ACTR1A: variants seen among roughly 807,000 people sequenced by gnomAD.
ACTR1A encodes actin related protein 1A.
A neutral mutation model predicts 50.7 loss-of-function variants in ACTR1A; 10 were observed. The observed-to-expected ratio is 0.20, with a 90% CI of 0.12 to 0.33. ACTR1A has a LOEUF of 0.33. Among genes scored for constraint, ACTR1A ranks in the 10% least tolerant of loss-of-function variants. ACTR1A has a pLI of 1.00. For missense variants in ACTR1A, 253 were observed against 491.7 expected (o/e 0.51, Z 4.59); for synonymous variants, 177 against 184.2 (o/e 0.96, Z 0.32).
rs1294432931 is a variant in ACTR1A at position 102,489,072 on chromosome 10, G to A, written c.180C>T (p.Pro60=). Residue 60 remains proline, a synonymous_variant, in exon 3 of 11, where the codon CCC becomes CCT. Transcript: ENST00000369905. ...TAGGCCTGGGAATTACCTCAGCTTT[G>A]GGGCCAATGAAGATGTCGCCTTCAA... The part of the protein sequence containing the change: ...GALEGDIFIG[P]KAEEHRGLLS... The A allele has an allele frequency of 6.3e-7, 1 of 1,581,750 alleles. No individual in the cohort carries two copies. The highest frequency in any genetic ancestry group is 2.4e-5 in the East Asian group (1 of 41,862).
chr10:102,491,590 GT>G (rs2062194578), intron 1 of ACTR1A, among the ~76,000 whole-genome samples: 1 of 152,198 alleles, frequency 6.6e-6, no homozygotes, highest in South Asian at 2.1e-4. Flanking sequence ...GAGAACCACA[GT>G]CCTGCTGCTC....
intron 1 of ACTR1A, among the ~76,000 whole-genome samples, chr10:102,495,586 C>T (rs1354621670): frequency 2.7e-5 from 4 of 149,612 alleles, no homozygotes; most frequent in Non-Finnish European, 5.9e-5. Flanking sequence ...AAAAATTAGC[C>T]GGGTGTGGTG....
chr10:102,482,638 C>G lies in ACTR1A; in HGVS notation c.750+373G>C. 1 of 285,718 alleles carries G rather than the reference C, an allele frequency of 3.5e-6. No individual in the cohort carries two copies. Among genetic ancestry groups the G allele is most frequent in the Non-Finnish European group, 6.7e-6 (1 of 150,292 alleles). 17.7% of individuals were successfully genotyped at this position (285,718 alleles called of 1,614,324 possible). On this transcript the variant is annotated intron_variant, in intron 7 of 10. Transcript: ENST00000369905. The surrounding 1 kb of genome is among the most constrained non-coding windows in gnomAD (Gnocchi z 5.6). ...GCCTCCTCTGCAGGAGACAGGGCCACTCATGCTCAGGAGCTCTGCTGCTCC... is the reference window on the plus strand; with the variant it reads ...GCCTCCTCTGCAGGAGACAGGGCCAGTCATGCTCAGGAGCTCTGCTGCTCC...
At position 102,481,184 on chromosome 10, in the gene ACTR1A, G is replaced by C; in HGVS notation, c.988-12C>G. 2 of 1,576,952 alleles carry C rather than the reference G, an allele frequency of 1.3e-6. No homozygotes were observed. The highest frequency in any genetic ancestry group is 1.7e-6 in the Non-Finnish European group (2 of 1,162,334). ...TGAGGTGCAGATATCTGCAAAGGTG[G>C]GGGAAAGAGGAATCTGAGACTTCCA... On this transcript the variant is annotated splice_polypyrimidine_tract_variant and intron_variant, in intron 9 of 10. Coordinates refer to ENST00000369905, the MANE Select transcript of ACTR1A (RefSeq NM_005736.4).
intron 4 of ACTR1A, among the ~76,000 whole-genome samples, chr10:102,487,676 G>GGC (rs1469624779): frequency 6.9e-6 from 1 of 145,174 alleles, no homozygotes; most frequent in African/African-American, 2.6e-5. Flanking sequence ...CTGTCACCCA[G>GGC]GCTGGAGCAC....
intron 5 of ACTR1A, 114 bp from the exon 6 acceptor site, chr10:102,484,490 C>T: frequency 2.2e-6 from 2 of 910,328 alleles, no homozygotes; most frequent in Non-Finnish European, 3.4e-6. Flanking sequence ...CTGCCTCTCT[C>T]CAGGGTCTGT....
chr10:102,502,712 C>A lies in ACTR1A; in HGVS notation c.-65G>T, dbSNP rs1453658258. The A allele has an allele frequency of 8.9e-6, 14 of 1,568,808 alleles. No individual in the cohort carries two copies. Among genetic ancestry groups the A allele is most frequent in the South Asian group, 6.7e-5 (6 of 90,000 alleles). On this transcript the variant is annotated 5_prime_UTR_variant, in exon 1 of 11. Coordinates refer to ENST00000369905, the MANE Select transcript of ACTR1A (RefSeq NM_005736.4). Reference sequence around the variant, plus strand: ...CCGGGTCCGCCGCTAGCGCCACTGACACGCATGCGCAGTCTAGCCGCCGGT... The same window carrying A: ...CCGGGTCCGCCGCTAGCGCCACTGAAACGCATGCGCAGTCTAGCCGCCGGT...
intron 1 of ACTR1A, among the ~76,000 whole-genome samples, chr10:102,492,051 G>C (rs1349960562): frequency 7.0e-6 from 1 of 141,920 alleles, no homozygotes; most frequent in Non-Finnish European, 1.5e-5. Flanking sequence ...TTATAGGCGT[G>C]AGCCCACCGT....
intron 1 of ACTR1A, among the ~76,000 whole-genome samples, chr10:102,501,562 A>G (rs1424121053): frequency 2.6e-5 from 4 of 152,222 alleles, no homozygotes; most frequent in Non-Finnish European, 1.5e-5. Flanking sequence ...CCCCAAAATA[A>G]GAGCAGTATT....
rs1269827722 is a variant in ACTR1A at position 102,488,399 on chromosome 10, T to G, written c.190-124A>C. 1.1e-5 allele frequency: 15 copies of G among 1,375,098 alleles called. No individual in the cohort carries two copies. Among genetic ancestry groups the G allele is most frequent in the Non-Finnish European group, 1.5e-5 (15 of 993,234 alleles). 85.2% of individuals were successfully genotyped at this position (1,375,098 alleles called of 1,614,324 possible). ...GCCTCAGCTTCCTGAGCTTCCACCC[T>G]GCTGTCCTTGCCCAGGGCTAAGGGT... On this transcript the variant is annotated intron_variant, in intron 3 of 10. Transcript: ENST00000369905. This position sits in a 1 kb window ranked among gnomAD's most constrained non-coding sequence, Gnocchi z 4.4.
In ACTR1A at chr10:102,482,978, A is replaced by T. The variant is rs1461363162; in HGVS notation, c.750+33T>A. On this transcript the variant is annotated intron_variant, in intron 7 of 10. Coordinates refer to ENST00000369905, the MANE Select transcript of ACTR1A (RefSeq NM_005736.4). This position sits in a 1 kb window ranked among gnomAD's most constrained non-coding sequence, Gnocchi z 5.6. Reference sequence around the variant, plus strand: ...TTGGGCCCAGAGCTTTTGTGGACCTAAGGGGACCGAAGAAAGAAGGCAGGC... The same window carrying T: ...TTGGGCCCAGAGCTTTTGTGGACCTTAGGGGACCGAAGAAAGAAGGCAGGC... The T allele has an allele frequency of 3.2e-6, 5 of 1,554,678 alleles. No homozygotes were observed. Among genetic ancestry groups the T allele is most frequent in the Non-Finnish European group, 4.4e-6 (5 of 1,126,220 alleles).
Position 102,482,968 on chromosome 10 carries a change from T to C in ACTR1A, c.750+43A>G, listed in dbSNP as rs780525621. 1 of 1,511,386 alleles carries C rather than the reference T, an allele frequency of 6.6e-7. No homozygotes were observed. Among genetic ancestry groups the C allele is most frequent in the South Asian group, 1.1e-5 (1 of 89,006 alleles). The allele number at this position is 1,511,386 out of a possible 1,614,324, so 93.6% of individuals were successfully genotyped here. The stretch of plus-strand genomic sequence containing the variant: ...AGAATTCTGGTTGGGCCCAGAGCTT[T>C]TGTGGACCTAAGGGGACCGAAGAAA... On this transcript the variant is annotated intron_variant, in intron 7 of 10. Coordinates refer to ENST00000369905, the MANE Select transcript of ACTR1A (RefSeq NM_005736.4). The surrounding 1 kb of genome is among the most constrained non-coding windows in gnomAD (Gnocchi z 5.6).
intron 1 of ACTR1A, among the ~76,000 whole-genome samples, chr10:102,502,136 G>A (rs1027817215): frequency 6.6e-6 from 1 of 152,174 alleles, no homozygotes; most frequent in Non-Finnish European, 1.5e-5. Context: ...CTGGAGCACT[G>A]CCCCGCCCCT....
chr10:102,483,207 G>A, intron 6 of ACTR1A, 104 bp from the exon 7 acceptor site: 1 of 893,738 alleles, frequency 1.1e-6, no homozygotes, highest in Non-Finnish European at 1.9e-6. Context: ...TCTAAACGTT[G>A]TGATGGCCCC....
At chr10:102,483,229 T>C in intron 6 of ACTR1A, 126 bp from the exon 7 acceptor site, 2 of 766,346 alleles carry the variant, frequency 2.6e-6, no homozygotes, top group East Asian at 2.5e-5. Context: ...ATGGTCACTA[T>C]AGCTGCTGCC....
chr10:102,481,707 G>T, intron 9 of ACTR1A, 130 bp downstream of exon 9: 1 of 1,087,006 alleles, frequency 9.2e-7, no homozygotes, highest in Non-Finnish European at 1.4e-6. Flanking sequence ...TACAGGCTGG[G>T]AACCTGGCGC....
intron 1 of ACTR1A, 99 bp downstream of exon 1, chr10:102,502,501 C>G (rs1291184063): frequency 1.5e-6 from 2 of 1,339,786 alleles, no homozygotes; most frequent in South Asian, 2.4e-5. Flanking sequence ...CAGGCCGGGC[C>G]AGTGACAAAG....
chr10:102,481,985 A>G lies in ACTR1A; in HGVS notation c.925+16T>C. The G allele has an allele frequency of 6.2e-7, 1 of 1,614,110 alleles. No homozygotes were observed. The highest frequency in any genetic ancestry group is 8.5e-7 in the Non-Finnish European group (1 of 1,180,026). On this transcript the variant is annotated intron_variant, in intron 8 of 10. Transcript: ENST00000369905. Reference sequence around the variant, plus strand: ...TGAACACTTCCAGGGGAAGGGCTCCAAGAGAAGAGACAAACCTTTGAACAG... The same window carrying G: ...TGAACACTTCCAGGGGAAGGGCTCCGAGAGAAGAGACAAACCTTTGAACAG...
At position 102,488,540 on chromosome 10, in the gene ACTR1A, G is replaced by A. The variant is rs1414530290; in HGVS notation, c.190-265C>T. Among the ~76,000 whole-genome samples, 5 of 152,250 alleles carry A rather than the reference G, an allele frequency of 3.3e-5. No individual in the cohort carries two copies. The highest frequency in any genetic ancestry group is 4.8e-5 in the African/African-American group (2 of 41,458). On this transcript the variant is annotated intron_variant, in intron 3 of 10. Coordinates refer to ENST00000369905, the MANE Select transcript of ACTR1A (RefSeq NM_005736.4). The surrounding 1 kb of genome is among the most constrained non-coding windows in gnomAD (Gnocchi z 4.4). The stretch of plus-strand genomic sequence containing the variant: ...GGCCCCTCAGGTGCCTCTAGGGCAA[G>A]TGGCAGGAGGCATCTTCCTCATTGC...
Sources: allele counts gnomAD v4.1 joint callset (sites outside exome capture counted in the v4.1 genomes callset), GRCh38; gene constraint gnomAD v4.1.1; non-coding constraint Gnocchi (gnomAD v3.1); transcripts MANE v1.5; gene names NCBI Gene and HGNC (gene_info 2026-07-23, HGNC 2026-07-21).